Variants in TNR observed in about 807,000 individuals in gnomAD.
The protein encoded by TNR is tenascin R, also known as tenascin-R.
In TNR, 45 loss-of-function variants were observed where a neutral mutation model predicts 150.4. The observed-to-expected ratio is 0.30, with a 90% CI of 0.24 to 0.38. TNR has a LOEUF of 0.38. Among genes scored for constraint, TNR ranks in the 10% least tolerant of loss-of-function variants. TNR has a pLI of 1.00. For missense variants in TNR, 1,544 were observed against 1,759.1 expected, an observed-to-expected ratio of 0.88 and a Z score of 2.19; for synonymous variants, 687 against 678.4, an observed-to-expected ratio of 1.01 and a Z score of -0.20.
At chr1:175,361,029 T>C (rs1651564241) in intron 14 of TNR, among the ~76,000 whole-genome samples, 2 of 152,226 alleles carry the variant, frequency 1.3e-5, no homozygotes, top group Admixed American at 1.3e-4. Flanking sequence ...ACCAAATATC[T>C]GCTTTAGAGA....
At chr1:175,647,925 G>A (rs1260738407) in intron 1 of TNR, among the ~76,000 whole-genome samples, 1 of 152,074 alleles carries the variant, frequency 6.6e-6, no homozygotes, top group Non-Finnish European at 1.5e-5. Flanking sequence ...CTTCTCAACT[G>A]TGTTCAAGTG....
intron 1 of TNR, among the ~76,000 whole-genome samples, chr1:175,713,641 C>G (rs1195980652): frequency 6.6e-6 from 1 of 152,176 alleles, no homozygotes; most frequent in Non-Finnish European, 1.5e-5. Flanking sequence ...CCTAATCTAA[C>G]TTCATTGTCA....
At chr1:175,711,539 T>G (rs1200509655) in intron 1 of TNR, among the ~76,000 whole-genome samples, 1 of 152,158 alleles carries the variant, frequency 6.6e-6, no homozygotes, top group Admixed American at 6.5e-5. Context: ...GTGATTTAAC[T>G]TCTGCCATAA....
At chr1:175,696,879 C>CAAA (rs66502339) in intron 1 of TNR, among the ~76,000 whole-genome samples, 1 of 110,622 alleles carries the variant, frequency 9.0e-6, no homozygotes, top group Non-Finnish European at 2.0e-5. Flanking sequence ...AACTCCATCT[C>CAAA]AAAAAAAAAA....
intron 1 of TNR, among the ~76,000 whole-genome samples, chr1:175,729,517 C>A (rs1321635098): frequency 6.6e-6 from 1 of 152,048 alleles, no homozygotes; most frequent in Admixed American, 6.6e-5. Context: ...CAACGTCGAA[C>A]TTCTGGCCTC....
chr1:175,443,190 A>G (rs1303297717), intron 2 of TNR, among the ~76,000 whole-genome samples: 3 of 152,190 alleles, frequency 2.0e-5, no homozygotes, highest in Non-Finnish European at 4.4e-5. Context: ...TTTATGCCGC[A>G]ATAGAAAAGC....
At chr1:175,714,909 G>C (rs1474784393) in intron 1 of TNR, among the ~76,000 whole-genome samples, 1 of 152,174 alleles carries the variant, frequency 6.6e-6, no homozygotes, top group East Asian at 1.9e-4. Flanking sequence ...TCAGCAGCAG[G>C]GGAGAGGCAG....
chr1:175,358,428 G>A (rs73038143), intron 15 of TNR, among the ~76,000 whole-genome samples: 3,421 of 152,308 alleles, frequency 0.022, 121 homozygotes, highest in African/African-American at 0.076. Context: ...TGGTGAATCT[G>A]TGCTGCTATA....
intron 1 of TNR, among the ~76,000 whole-genome samples, chr1:175,703,740 G>A (rs898753826): frequency 6.6e-6 from 1 of 152,132 alleles, no homozygotes; most frequent in African/African-American, 2.4e-5. Flanking sequence ...CCCCAAACAA[G>A]CAATCACAAA....
chr1:175,584,796 T>TAA (rs112378675), intron 1 of TNR, among the ~76,000 whole-genome samples: 2 of 152,030 alleles, frequency 1.3e-5, no homozygotes, highest in African/African-American at 4.8e-5. Context: ...AGCCACATTT[T>TAA]AAAAAAAGTT....
intron 1 of TNR, among the ~76,000 whole-genome samples, chr1:175,736,090 C>A (rs1214967232): frequency 1.3e-5 from 2 of 152,198 alleles, no homozygotes; most frequent in Non-Finnish European, 2.9e-5. Flanking sequence ...ACACCAAGTA[C>A]CCCAAGCTGC....
At position 175,354,456 on chromosome 1, in the gene TNR, G is replaced by T; in HGVS notation, c.3317C>A (p.Thr1106Lys). ...LEGLLENTDY[T>K]VLLQAAQDTT... ...GTCCTGTGCTGCCTGCAGGAGCACC[G>T]TGTAGTCTGTGTTCTCCAACAGGCC... The change falls in exon 18 of 23, where the codon ACG becomes AAG. Residue 1106 changes from threonine (T) to lysine (K), a missense_variant. Physicochemically the swap from Thr to Lys is moderately conservative, Grantham distance 78. This residue lies in a region of TNR where 290 missense variants were observed against 429.7 expected (regional missense o/e 0.67). Transcript: ENST00000367674. 6.2e-7 allele frequency: 1 copy of T among 1,614,072 alleles called. No individual in the cohort carries two copies. The highest frequency in any genetic ancestry group is 8.5e-7 in the Non-Finnish European group (1 of 1,179,974).
intron 2 of TNR, among the ~76,000 whole-genome samples, chr1:175,418,926 G>A (rs1299234784): frequency 6.6e-6 from 1 of 152,214 alleles, no homozygotes; most frequent in East Asian, 1.9e-4. Context: ...TGTTTTCAAA[G>A]CAGGGCATAA....
chr1:175,663,767 A>G (rs1328109538), intron 1 of TNR, among the ~76,000 whole-genome samples: 2 of 152,220 alleles, frequency 1.3e-5, no homozygotes, highest in Non-Finnish European at 1.5e-5. Context: ...GAGGATGGAG[A>G]ACTGTGACTT....
At chr1:175,567,705 C>T (rs547360844) in intron 1 of TNR, among the ~76,000 whole-genome samples, 1 of 152,256 alleles carries the variant, frequency 6.6e-6, no homozygotes, top group South Asian at 2.1e-4. Context: ...ACAAGCCCCT[C>T]CCTGCTCTGG....
At chr1:175,717,859 C>G (rs923073680) in intron 1 of TNR, among the ~76,000 whole-genome samples, 4 of 152,230 alleles carry the variant, frequency 2.6e-5, no homozygotes, top group African/African-American at 7.2e-5. Flanking sequence ...TGCACACACA[C>G]ACACACAGCT....
intron 1 of TNR, among the ~76,000 whole-genome samples, chr1:175,687,252 C>T (rs1666227263): frequency 6.6e-6 from 1 of 152,162 alleles, no homozygotes; most frequent in Admixed American, 6.5e-5. Flanking sequence ...ATCATCATTT[C>T]CACTGACAAG....
chr1:175,588,451 C>T (rs922457947), intron 1 of TNR, among the ~76,000 whole-genome samples: 3 of 152,224 alleles, frequency 2.0e-5, no homozygotes, highest in Non-Finnish European at 4.4e-5. Flanking sequence ...CTGAAAGCTG[C>T]AGCCAAAAGA....
chr1:175,626,957 A>T (rs533875731), intron 1 of TNR, among the ~76,000 whole-genome samples: 1 of 152,328 alleles, frequency 6.6e-6, no homozygotes, highest in East Asian at 1.9e-4. Context: ...AAGCCAAGGA[A>T]TGCCTGGAGC....
Sources: allele counts gnomAD v4.1 joint callset (sites outside exome capture counted in the v4.1 genomes callset), GRCh38; gene constraint gnomAD v4.1.1; regional missense constraint gnomAD v4.1.1; transcripts MANE v1.5; gene names NCBI Gene and HGNC (gene_info 2026-07-23, HGNC 2026-07-21).